The following OPRM1 variants were observed in gnomAD, a reference collection of about 807,000 sequenced individuals.
The protein encoded by OPRM1 is mu-type opioid receptor.
OPRM1 carries 27 observed loss-of-function variants against 31.8 expected under a neutral mutation model. The observed-to-expected ratio is 0.85, with a 90% confidence interval of 0.63 to 1.17. The LOEUF (loss-of-function observed/expected upper bound fraction) is 1.17. OPRM1 is among the 50% of genes most tolerant of loss of function. The probability of loss-of-function intolerance (pLI) is 0.00; values close to 1 mark genes in which losing one functional copy is unlikely to be tolerated. For synonymous variants in OPRM1, 196 were observed against 189.9 expected (o/e 1.03, Z -0.26); for missense variants, 536 against 511.1 (o/e 1.05, Z -0.47).
chr6:154,113,287 G>C (rs1049445722), intron 3 of OPRM1, among the ~76,000 whole-genome samples: 13 of 152,208 alleles, frequency 8.5e-5, no homozygotes, highest in Non-Finnish European at 1.6e-4. Flanking sequence ...TATGGAAATA[G>C]AAAACCATGT....
intron 3 of OPRM1, among the ~76,000 whole-genome samples, chr6:154,237,031 C>T (rs535105476): frequency 1.0e-3 from 155 of 152,136 alleles, no homozygotes; most frequent in Non-Finnish European, 2.0e-3. Context: ...CTTCTTGAAA[C>T]ATGCTCTATG....
intron 1 of OPRM1, among the ~76,000 whole-genome samples, chr6:154,062,314 AG>A (rs1784581182): frequency 6.6e-6 from 1 of 152,164 alleles, no homozygotes; most frequent in Non-Finnish European, 1.5e-5. Context: ...TCCTATTAAA[AG>A]AATAGTTACA....
intron 3 of OPRM1, among the ~76,000 whole-genome samples, chr6:154,191,447 G>A (rs985306849): frequency 5.9e-5 from 9 of 152,132 alleles, no homozygotes; most frequent in Non-Finnish European, 1.2e-4. Flanking sequence ...GCCGAGGCAG[G>A]TGGATCACCT....
chr6:154,143,515 G>C (rs1736601802), intron 3 of OPRM1, among the ~76,000 whole-genome samples: 1 of 152,236 alleles, frequency 6.6e-6, no homozygotes, highest in African/African-American at 2.4e-5. Context: ...AGAGTGAAGT[G>C]TAAGAATATA....
rs1465609981 is a variant in OPRM1 at position 154,039,805 on chromosome 6, A to G, written c.261A>G (p.Gly87=). Residue 87 remains glycine, a synonymous_variant, in exon 1 of 4, where the codon GGA becomes GGG. Coordinates refer to ENST00000330432, the MANE Select transcript of OPRM1 (RefSeq NM_000914.5). ...YSIVCVVGLF[G]NFLVMYVIVR... is the part of the protein sequence containing the mutation. ...TCGTGTGCGTGGTGGGGCTCTTCGG[A>G]AACTTCCTGGTCATGTATGTGATTG... is the stretch of plus-strand genomic sequence containing the variant. 1 of 1,595,216 alleles carries G rather than the reference A, an allele frequency of 6.3e-7. No individual in the cohort carries two copies.
rs544159779 is a variant in OPRM1 at position 154,118,906 on chromosome 6, G to C, written c.*185G>C. 36 of 1,407,496 alleles carry C rather than the reference G, an allele frequency of 2.6e-5. 1 individual carries two copies. The South Asian group carries it at 6.0e-4, about 23-fold the overall frequency. 87.2% of individuals were successfully genotyped at this position (1,407,496 alleles called of 1,614,324 possible). A position where few individuals can be genotyped will look rare whatever the true frequency, so the allele number is the denominator to read the frequency against. On this transcript the variant is annotated 3_prime_UTR_variant, in exon 4 of 4. Transcript: ENST00000330432. ...TTAGAGGGACAGCCAAAAGTAAGTG[G>C]AGCATTTGGAAGGAAAGGAATATAC...
At chr6:154,223,478 G>T (rs1779021930) in intron 3 of OPRM1, among the ~76,000 whole-genome samples, 1 of 152,172 alleles carries the variant, frequency 6.6e-6, no homozygotes, top group Non-Finnish European at 1.5e-5. Flanking sequence ...ACATGACACA[G>T]CTTAGGGATG....
intron 1 of OPRM1, among the ~76,000 whole-genome samples, chr6:154,070,264 C>CAGA (rs1562424976): frequency 6.6e-6 from 1 of 152,202 alleles, no homozygotes; most frequent in Admixed American, 6.5e-5. Context: ...CAGGTAAGAG[C>CAGA]AGAAATTAAC....
chr6:154,137,495 A>C (rs979313175), intron 3 of OPRM1, among the ~76,000 whole-genome samples: 2 of 152,196 alleles, frequency 1.3e-5, no homozygotes, highest in Non-Finnish European at 2.9e-5. Context: ...CATTAAATTT[A>C]TTTAACAGAA....
At chr6:154,020,788 T>C (rs1216684290) in intron 1 of OPRM1, among the ~76,000 whole-genome samples, 2 of 152,226 alleles carry the variant, frequency 1.3e-5, no homozygotes, top group African/African-American at 4.8e-5. Context: ...GGGCATACAA[T>C]GTTGAAAATT....
intron 3 of OPRM1, among the ~76,000 whole-genome samples, chr6:154,141,545 G>C (rs566272455): frequency 6.6e-6 from 1 of 152,242 alleles, no homozygotes; most frequent in Admixed American, 6.5e-5. Flanking sequence ...ATGTGCAGCT[G>C]TGACACAGCC....
At chr6:154,151,674 A>G (rs573209816) in intron 3 of OPRM1, among the ~76,000 whole-genome samples, 10 of 151,870 alleles carry the variant, frequency 6.6e-5, no homozygotes, top group African/African-American at 2.2e-4. Flanking sequence ...ATAATGTGCT[A>G]AATCTCCAGG....
intron 3 of OPRM1, among the ~76,000 whole-genome samples, chr6:154,109,790 C>G (rs62436478): frequency 0.18 from 13,910 of 75,488 alleles, 714 homozygotes; most frequent in East Asian, 0.29. Flanking sequence ...CTCTCTCTCT[C>G]TCTGTGTGTG....
chr6:154,038,791 AG>A (rs1779479935), upstream of OPRM1, among the ~76,000 whole-genome samples: 1 of 152,206 alleles, frequency 6.6e-6, no homozygotes, highest in South Asian at 2.1e-4. Flanking sequence ...TCTGCACAAA[AG>A]TTTATTTGTT....
chr6:154,086,230 G>C (rs1790533381), intron 1 of OPRM1, among the ~76,000 whole-genome samples: 1 of 152,086 alleles, frequency 6.6e-6, no homozygotes, highest in African/African-American at 2.4e-5. Context: ...CTTTAGCTTT[G>C]TATAATTTTC....
At chr6:154,246,769 A>T (rs748094440) in exon 4 of OPRM1, 26 of 1,613,342 alleles carry the variant, frequency 1.6e-5, no homozygotes, top group Non-Finnish European at 2.2e-5. Flanking sequence ...ACCTGCAATG[A>T]TTACATGAAG....
intron 3 of OPRM1, among the ~76,000 whole-genome samples, chr6:154,218,469 C>T (rs1463559203): frequency 6.6e-6 from 1 of 152,076 alleles, no homozygotes; most frequent in Non-Finnish European, 1.5e-5. Context: ...ATGCAGTTGC[C>T]CAGGGAGAGG....
intron 3 of OPRM1, among the ~76,000 whole-genome samples, chr6:154,243,038 G>A (rs1204798024): frequency 1.3e-5 from 2 of 152,180 alleles, no homozygotes; most frequent in African/African-American, 4.8e-5. Context: ...AATTGGATAG[G>A]AGAAAGACTT....
intron 3 of OPRM1, among the ~76,000 whole-genome samples, chr6:154,208,086 G>A (rs1777648080): frequency 6.6e-6 from 1 of 151,504 alleles, no homozygotes; most frequent in African/African-American, 2.4e-5. Flanking sequence ...GCAGATTGGG[G>A]GCTCCATTTG....
Sources: allele counts gnomAD v4.1 joint callset (sites outside exome capture counted in the v4.1 genomes callset), GRCh38; gene constraint gnomAD v4.1.1; transcripts MANE v1.5; gene names NCBI Gene and HGNC (gene_info 2026-07-23, HGNC 2026-07-21).